Variants in CTNNA3 observed in about 807,000 individuals in gnomAD.
CTNNA3 encodes catenin alpha 3.
CTNNA3 carries 76 observed loss-of-function variants against 95.7 expected under a neutral mutation model. The observed-to-expected ratio is 0.79, with a 90% CI of 0.66 to 0.96. The LOEUF is 0.96. CTNNA3 is among the 40% of genes least tolerant of loss of function. The pLI, the probability that CTNNA3 is intolerant of heterozygous loss-of-function variation, is 0.00. For missense variants in CTNNA3, 1,191 were observed against 1,089.8 expected (o/e 1.09, Z -1.31); for synonymous variants, 431 against 374.4 (o/e 1.15, Z -1.74).
intron 13 of CTNNA3, among the ~76,000 whole-genome samples, chr10:66,189,035 T>A (rs937911210): frequency 1.3e-5 from 2 of 152,124 alleles, no homozygotes; most frequent in Non-Finnish European, 2.9e-5. Flanking sequence ...TGGAGAAATG[T>A]CTATTCAAGT....
rs928365232 is a variant in CTNNA3, at chr10:66,644,874, C to T, written c.1282-23090G>A. ...CACACCACAAGAGTATTCATGTTGC[C>T]TTTTTATAACTATATCCATCTCCCT... On this transcript the variant is annotated intron_variant, in intron 9 of 17. Transcript: ENST00000433211. Among the ~76,000 whole-genome samples the T allele has an allele frequency of 3.9e-5, 6 of 152,072 alleles. No individual in the cohort carries two copies. In the East Asian group the frequency reaches 1.2e-3, roughly 29 times the overall value.
At chr10:66,235,483 T>C (rs1745850950) in intron 13 of CTNNA3, among the ~76,000 whole-genome samples, 1 of 151,814 alleles carries the variant, frequency 6.6e-6, no homozygotes, top group Admixed American at 6.6e-5. Flanking sequence ...AAAATAATTA[T>C]TTTATTAATC....
At chr10:67,588,472 A>G (rs528192085) in intron 3 of CTNNA3, among the ~76,000 whole-genome samples, 33 of 152,120 alleles carry the variant, frequency 2.2e-4, no homozygotes, top group African/African-American at 8.0e-4. Flanking sequence ...CCTTAGTGGT[A>G]TCTGCGGTTT....
At chr10:67,387,204 C>A (rs532383194) in intron 5 of CTNNA3, among the ~76,000 whole-genome samples, 1 of 152,266 alleles carries the variant, frequency 6.6e-6, no homozygotes, top group East Asian at 1.9e-4. Context: ...GGTGCGCGCA[C>A]CGTGCACCAG....
At chr10:66,183,013 G>A (rs1025667768) in intron 13 of CTNNA3, among the ~76,000 whole-genome samples, 1 of 152,174 alleles carries the variant, frequency 6.6e-6, no homozygotes, top group Non-Finnish European at 1.5e-5. Flanking sequence ...TATCACAGAG[G>A]ACTTTTCACA....
chr10:66,232,660 G>T (rs2089644611), intron 13 of CTNNA3, among the ~76,000 whole-genome samples: 2 of 152,146 alleles, frequency 1.3e-5, no homozygotes. Context: ...TGATACTAGT[G>T]CAAGGACAAA....
intron 7 of CTNNA3, among the ~76,000 whole-genome samples, chr10:66,918,440 T>C (rs1348829418): frequency 6.6e-6 from 1 of 152,218 alleles, no homozygotes; most frequent in Non-Finnish European, 1.5e-5. Context: ...CTACCAAGAA[T>C]GAATAGATGC....
intron 6 of CTNNA3, among the ~76,000 whole-genome samples, chr10:67,204,984 C>T (rs559758281): frequency 2.0e-5 from 3 of 152,214 alleles, no homozygotes; most frequent in Non-Finnish European, 2.9e-5. Context: ...GGAGTAATTG[C>T]GGGAGTTGCA....
chr10:66,180,267 A>C (rs2085971411), intron 13 of CTNNA3, among the ~76,000 whole-genome samples: 1 of 152,174 alleles, frequency 6.6e-6, no homozygotes, highest in Non-Finnish European at 1.5e-5. Context: ...AGTGCTGAAC[A>C]TCAGAAATCA....
intron 5 of CTNNA3, among the ~76,000 whole-genome samples, chr10:67,266,917 T>C (rs762991299): frequency 1.3e-5 from 2 of 152,238 alleles, no homozygotes; most frequent in South Asian, 2.1e-4. Flanking sequence ...TCAAATTCTA[T>C]GCTATAAATG....
At chr10:66,849,191 C>A (rs1203672777) in intron 7 of CTNNA3, among the ~76,000 whole-genome samples, 2 of 152,112 alleles carry the variant, frequency 1.3e-5, no homozygotes, top group African/African-American at 2.4e-5. Flanking sequence ...ACCGTAATTT[C>A]TTTTGTAATG....
chr10:67,174,192 T>G (rs541360661), intron 7 of CTNNA3, among the ~76,000 whole-genome samples: 92 of 152,220 alleles, frequency 6.0e-4, no homozygotes, highest in Non-Finnish European at 1.1e-3. Flanking sequence ...TAAAAATGGC[T>G]GCCTACTTTT....
chr10:66,716,528 A>G (rs938125097), intron 9 of CTNNA3, among the ~76,000 whole-genome samples: 3 of 152,178 alleles, frequency 2.0e-5, no homozygotes, highest in Non-Finnish European at 4.4e-5. Context: ...ATTTTCCGGT[A>G]GCCCGAGTAA....
chr10:65,937,231 T>A (rs775562819), intron 17 of CTNNA3, among the ~76,000 whole-genome samples: 18 of 152,254 alleles, frequency 1.2e-4, no homozygotes, highest in Admixed American at 2.0e-4. Context: ...ATTGGTCTCA[T>A]AGAGTTGTTT....
At chr10:66,114,375 T>C (rs2082236377) in intron 13 of CTNNA3, among the ~76,000 whole-genome samples, 1 of 150,610 alleles carries the variant, frequency 6.6e-6, no homozygotes, top group African/African-American at 2.5e-5. Flanking sequence ...TGTGTGTGTG[T>C]ATATATGTGT....
intron 7 of CTNNA3, among the ~76,000 whole-genome samples, chr10:67,004,323 G>A (rs956731247): frequency 2.0e-5 from 3 of 152,150 alleles, no homozygotes; most frequent in Non-Finnish European, 4.4e-5. Flanking sequence ...AAAGCCACAA[G>A]CCACCTATCA....
chr10:67,727,020 TATA>T (rs1300365019), intron 1 of CTNNA3, among the ~76,000 whole-genome samples: 4 of 115,510 alleles, frequency 3.5e-5, no homozygotes, highest in East Asian at 2.5e-4. Context: ...ACATATATGA[TATA>T]ATTATATATA....
intron 11 of CTNNA3, among the ~76,000 whole-genome samples, chr10:66,462,027 G>A (rs576668292): frequency 5.9e-5 from 9 of 151,900 alleles, no homozygotes; most frequent in South Asian, 4.2e-4. Context: ...TGGCCAGGCT[G>A]GTCTCAAACT....
At chr10:66,899,229 G>A (rs1049946272) in intron 7 of CTNNA3, among the ~76,000 whole-genome samples, 2 of 152,142 alleles carry the variant, frequency 1.3e-5, no homozygotes, top group Non-Finnish European at 2.9e-5. Context: ...GCAAAGATAT[G>A]GAGAACCTGG....
Sources: gnomAD v4.1 joint callset for allele counts (sites outside exome capture counted in the v4.1 genomes callset) on GRCh38, gnomAD v4.1.1 for gene constraint, MANE v1.5 for transcripts, NCBI Gene and HGNC (gene_info 2026-07-23, HGNC 2026-07-21) for gene names.